The following HCN1 variants were observed in gnomAD, a reference collection of about 807,000 sequenced individuals.
HCN1 encodes the protein hyperpolarization activated cyclic nucleotide gated potassium channel 1, also known as potassium/sodium hyperpolarization-activated cyclic nucleotide-gated channel 1.
In HCN1, 13 loss-of-function variants were observed where a neutral mutation model predicts 78.9. The ratio of observed to expected loss-of-function variants is 0.16; its 90% CI spans 0.11 to 0.26. The LOEUF is 0.26. Ranked by LOEUF, HCN1 falls within the 10% of genes least tolerant of loss-of-function variation. The probability of loss-of-function intolerance (pLI) is 1.00; values close to 1 mark genes in which losing one functional copy is unlikely to be tolerated. For synonymous variants in HCN1, 552 were observed against 455.5 expected (o/e 1.21, Z -2.70); for missense variants, 810 against 1,154.3 (o/e 0.70, Z 4.32).
At chr5:45,580,335 T>C (rs1394515908) in intron 2 of HCN1, among the ~76,000 whole-genome samples, 1 of 151,912 alleles carries the variant, frequency 6.6e-6, no homozygotes, top group African/African-American at 2.4e-5. Flanking sequence ...TCAGAGTGAT[T>C]CAAAGTGAGG....
chr5:45,687,097 A>G, intron 1 of HCN1, among the ~76,000 whole-genome samples: 1 of 152,168 alleles, frequency 6.6e-6, no homozygotes, highest in Non-Finnish European at 1.5e-5. Flanking sequence ...AATTTTGCAG[A>G]CTTTGTTACA....
At chr5:45,516,369 T>G (rs999618601) in intron 2 of HCN1, among the ~76,000 whole-genome samples, 1 of 151,974 alleles carries the variant, frequency 6.6e-6, no homozygotes, top group African/African-American at 2.4e-5. Context: ...AAGAACAGTT[T>G]ATATAAAGTG....
At chr5:45,322,273 G>A (rs1463565824) in intron 5 of HCN1, among the ~76,000 whole-genome samples, 1 of 151,940 alleles carries the variant, frequency 6.6e-6, no homozygotes, top group East Asian at 1.9e-4. Flanking sequence ...ATGCAAATAG[G>A]TGAATACTGT....
At chr5:45,302,439 T>TC (rs1745645509) in intron 6 of HCN1, among the ~76,000 whole-genome samples, 1 of 152,068 alleles carries the variant, frequency 6.6e-6, no homozygotes. Flanking sequence ...CTCAGGTATT[T>TC]ACAGTAGTGT....
At chr5:45,654,847 T>C (rs1336660391) in intron 1 of HCN1, among the ~76,000 whole-genome samples, 1 of 152,036 alleles carries the variant, frequency 6.6e-6, no homozygotes, top group Admixed American at 6.6e-5. Flanking sequence ...AAGTTTGGAG[T>C]TTTAATTTCA....
chr5:45,593,326 T>TCTCC (rs1744421129), intron 2 of HCN1, among the ~76,000 whole-genome samples: 1 of 135,122 alleles, frequency 7.4e-6, no homozygotes, highest in African/African-American at 3.0e-5. Flanking sequence ...TCTCTCCCTC[T>TCTCC]CTCTCTCTCT....
chr5:45,363,132 TTATATATATATACATATATA>T (rs1294022037), intron 4 of HCN1, among the ~76,000 whole-genome samples: 2 of 116,052 alleles, frequency 1.7e-5, no homozygotes, highest in African/African-American at 7.3e-5. Context: ...ATATAACATA[TTATATATATATACATATATA>T]TATATATATA....
At chr5:45,309,777 G>C (rs887877683) in intron 5 of HCN1, among the ~76,000 whole-genome samples, 3 of 152,046 alleles carry the variant, frequency 2.0e-5, no homozygotes, top group African/African-American at 7.2e-5. Flanking sequence ...CCAGCATTTT[G>C]TTGAGGATAT....
At chr5:45,317,745 G>C (rs1047802493) in intron 5 of HCN1, among the ~76,000 whole-genome samples, 1 of 152,088 alleles carries the variant, frequency 6.6e-6, no homozygotes, top group African/African-American at 2.4e-5. Flanking sequence ...CCATCAAAAA[G>C]TGGGCGAAGG....
chr5:45,658,584 C>G (rs1037328622), intron 1 of HCN1, among the ~76,000 whole-genome samples: 1 of 151,862 alleles, frequency 6.6e-6, no homozygotes. Flanking sequence ...TGGGCGCAGG[C>G]CAGTGTGTGC....
At chr5:45,353,633 C>T (rs998135585) in intron 4 of HCN1, among the ~76,000 whole-genome samples, 1 of 151,938 alleles carries the variant, frequency 6.6e-6, no homozygotes, top group African/African-American at 2.4e-5. Context: ...AGAAAAATCT[C>T]ATACCTATGG....
At chr5:45,455,643 C>T (rs181108268) in intron 3 of HCN1, among the ~76,000 whole-genome samples, 16 of 151,136 alleles carry the variant, frequency 1.1e-4, no homozygotes, top group African/African-American at 2.2e-4. Flanking sequence ...GAGGTAATTC[C>T]GATATGTATG....
At chr5:45,463,184 T>C (rs992716880) in intron 2 of HCN1, among the ~76,000 whole-genome samples, 13 of 152,024 alleles carry the variant, frequency 8.6e-5, no homozygotes, top group African/African-American at 3.1e-4. Flanking sequence ...CATTTGGTTT[T>C]AGAAATGATA....
At chr5:45,428,666 T>C (rs995670510) in intron 3 of HCN1, among the ~76,000 whole-genome samples, 2 of 152,108 alleles carry the variant, frequency 1.3e-5, no homozygotes, top group Non-Finnish European at 2.9e-5. Flanking sequence ...TTAATATCTT[T>C]CATTTATTAT....
intron 1 of HCN1, chr5:45,695,138 G>C (rs1739980698): frequency 6.5e-6 from 1 of 154,110 alleles, no homozygotes; most frequent in Non-Finnish European, 1.4e-5. Flanking sequence ...AGGATAACCA[G>C]CGCCTATAAA....
intron 5 of HCN1, among the ~76,000 whole-genome samples, chr5:45,310,211 C>T (rs951049380): frequency 2.6e-5 from 4 of 152,048 alleles, no homozygotes; most frequent in Admixed American, 1.3e-4. Context: ...AATAAACTAT[C>T]AACAGAGTAA....
In HCN1 at chr5:45,401,871, TTTTAATTAAACAAGG is replaced by T. The variant is rs1288868193; in HGVS notation, c.1012-5176_1012-5162del. On this transcript the variant is annotated intron_variant, in intron 3 of 7. Transcript: ENST00000303230. ...TCTGTTTAGCCACTTTTATACTGAG[TTTTAATTAAACAAGG>T]TTTAATTAAACAAGGTCCTTGTTTA... 2.8e-4 allele frequency among the ~76,000 whole-genome samples: 42 copies of T among 152,162 alleles called. No homozygotes were observed. The East Asian group carries it at 5.8e-3, about 21-fold the overall frequency.
rs1561193941 is a variant in HCN1, at chr5:45,539,945, TATATATATATATATAA to T, written c.850-77954_850-77939del. On this transcript the variant is annotated intron_variant, in intron 2 of 7. Coordinates refer to ENST00000303230, the MANE Select transcript of HCN1 (RefSeq NM_021072.4). ...ATATATATATATATATATATATATATATATATATATATATAAAATGTTTATCATTGTCAGGATAGGC... is the reference window on the plus strand; with the variant it reads ...ATATATATATATATATATATATATATAATGTTTATCATTGTCAGGATAGGC... Among the ~76,000 whole-genome samples the T allele has an allele frequency of 2.2e-5, 3 of 138,388 alleles. No individual in the cohort carries two copies. In the Admixed American group the frequency reaches 2.2e-4, roughly 10 times the overall value. 90.8% of individuals were successfully genotyped at this position (138,388 alleles called of 152,430 possible).
At chr5:45,549,838 G>T (rs1023549312) in intron 2 of HCN1, among the ~76,000 whole-genome samples, 17 of 152,104 alleles carry the variant, frequency 1.1e-4, no homozygotes, top group Admixed American at 3.9e-4. Flanking sequence ...GTGGGCGAAG[G>T]ATACGAACAG....
Sources: gnomAD v4.1 joint callset for allele counts (sites outside exome capture counted in the v4.1 genomes callset) on GRCh38, gnomAD v4.1.1 for gene constraint, MANE v1.5 for transcripts, NCBI Gene and HGNC (gene_info 2026-07-23, HGNC 2026-07-21) for gene names.